The following SORCS2 variants were observed in gnomAD, a reference collection of about 807,000 sequenced individuals.
SORCS2 encodes the protein VPS10 domain-containing receptor SorCS2.
Under a neutral mutation model 141.6 loss-of-function variants are expected in SORCS2, and 100 were observed. That is an observed-to-expected ratio of 0.71 (90% CI 0.60 to 0.83). The LOEUF (loss-of-function observed/expected upper bound fraction) is 0.83. Among genes scored for constraint, SORCS2 ranks in the 40% least tolerant of loss-of-function variants. The pLI is 0.00. For missense variants in SORCS2, 1,646 were observed against 1,560.2 expected (o/e 1.05, Z -0.93); for synonymous variants, 789 against 676.9 (o/e 1.17, Z -2.57).
At chr4:7,719,071 C>T (rs1308624874) in intron 18 of SORCS2, among the ~76,000 whole-genome samples, 2 of 152,244 alleles carry the variant, frequency 1.3e-5, no homozygotes, top group Non-Finnish European at 2.9e-5. Context: ...CGCCTAGGAC[C>T]CTGGGCTCTC....
At chr4:7,578,070 G>A (rs1267841327) in intron 3 of SORCS2, among the ~76,000 whole-genome samples, 1 of 152,196 alleles carries the variant, frequency 6.6e-6, no homozygotes, top group African/African-American at 2.4e-5. Context: ...GAGATGTTAG[G>A]CTCATGAGGA....
intron 3 of SORCS2, among the ~76,000 whole-genome samples, chr4:7,617,940 T>C (rs1279125596): frequency 3.3e-5 from 5 of 152,022 alleles, no homozygotes; most frequent in Admixed American, 1.3e-4. Context: ...AGGAGTGGGA[T>C]GCTCGCCCAT....
At chr4:7,692,321 T>A (rs1023714893) in intron 11 of SORCS2, among the ~76,000 whole-genome samples, 2 of 152,190 alleles carry the variant, frequency 1.3e-5, no homozygotes, top group East Asian at 3.9e-4. Context: ...CCGCCGTTCA[T>A]TCCTGAATTC....
At chr4:7,736,085 G>A (rs1293559037) in intron 25 of SORCS2, among the ~76,000 whole-genome samples, 3 of 152,254 alleles carry the variant, frequency 2.0e-5, no homozygotes, top group South Asian at 4.1e-4. Flanking sequence ...AGCAACGCCC[G>A]TTTGTCCCCA....
intron 1 of SORCS2, among the ~76,000 whole-genome samples, chr4:7,229,044 G>A (rs1395199746): frequency 1.3e-5 from 2 of 152,210 alleles, no homozygotes; most frequent in Non-Finnish European, 2.9e-5. Context: ...CTGTGTTGAG[G>A]GGTCCCCGTG....
chr4:7,578,008 C>G (rs547367615), intron 3 of SORCS2, among the ~76,000 whole-genome samples: 205 of 152,248 alleles, frequency 1.3e-3, no homozygotes, highest in Non-Finnish European at 2.2e-3. Context: ...TGCCAAAACT[C>G]GTGTTGAAAT....
intron 1 of SORCS2, among the ~76,000 whole-genome samples, chr4:7,200,521 G>A (rs574210358): frequency 2.2e-4 from 34 of 152,300 alleles, no homozygotes; most frequent in African/African-American, 6.5e-4. Flanking sequence ...CAACCCGGAC[G>A]TTGTTTATGC....
At chr4:7,566,742 A>G (rs1176173415) in intron 3 of SORCS2, among the ~76,000 whole-genome samples, 3 of 152,214 alleles carry the variant, frequency 2.0e-5, no homozygotes, top group Non-Finnish European at 4.4e-5. Flanking sequence ...AGAGCTAGTC[A>G]CATGGCCTGG....
Position 7,648,226 on chromosome 4 carries a change from C to T in SORCS2, c.814-5908C>T, listed in dbSNP as rs1721207909. On this transcript the variant is annotated intron_variant, in intron 4 of 26. Transcript: ENST00000507866. The surrounding 1 kb of genome is among the most constrained non-coding windows in gnomAD (Gnocchi z 4.2). ...GAGGAGGAGGAGGAAGACACGGAGG[C>T]TGGAGGAGCAGGGCTGGTTGAGAAA... is the stretch of plus-strand genomic sequence containing the variant. 6.6e-6 allele frequency among the ~76,000 whole-genome samples: 1 copy of T among 151,796 alleles called. No individual in the cohort carries two copies. The highest frequency in any genetic ancestry group is 2.4e-5 in the African/African-American group (1 of 41,310).
chr4:7,440,394 C>G (rs999814871), intron 2 of SORCS2, among the ~76,000 whole-genome samples: 2 of 152,200 alleles, frequency 1.3e-5, no homozygotes, highest in Admixed American at 1.3e-4. Context: ...AGGGAGAGCA[C>G]GAATAGGAAC....
At chr4:7,421,099 C>T (rs1726013848) in intron 2 of SORCS2, among the ~76,000 whole-genome samples, 1 of 152,172 alleles carries the variant, frequency 6.6e-6, no homozygotes, top group African/African-American at 2.4e-5. Flanking sequence ...TGTTTCGCTC[C>T]ATCCCTTGCC....
intron 2 of SORCS2, among the ~76,000 whole-genome samples, chr4:7,463,927 CT>C (rs1729462648): frequency 6.6e-6 from 1 of 152,204 alleles, no homozygotes; most frequent in African/African-American, 2.4e-5. Context: ...ACAGGCACCC[CT>C]GAGTCCCCAC....
At chr4:7,360,773 C>T (rs910433595) in intron 1 of SORCS2, among the ~76,000 whole-genome samples, 4 of 151,190 alleles carry the variant, frequency 2.6e-5, no homozygotes, top group African/African-American at 7.3e-5. Flanking sequence ...TTTATAGAGA[C>T]GGGGTTTCAC....
chr4:7,575,986 G>A (rs1372574074), intron 3 of SORCS2, among the ~76,000 whole-genome samples: 1 of 152,206 alleles, frequency 6.6e-6, no homozygotes, highest in Non-Finnish European at 1.5e-5. Flanking sequence ...GTTGATTCTT[G>A]AATTGATGAA....
chr4:7,289,732 G>A (rs542755664), intron 1 of SORCS2, among the ~76,000 whole-genome samples: 90 of 152,324 alleles, frequency 5.9e-4, no homozygotes, highest in African/African-American at 2.1e-3. Context: ...TATCAGCAGC[G>A]CTTCGAGGAT....
intron 2 of SORCS2, among the ~76,000 whole-genome samples, chr4:7,408,622 T>A (rs150237374): frequency 0.035 from 5,339 of 152,272 alleles, 149 homozygotes; most frequent in Admixed American, 0.047. Context: ...CTGACCTTCC[T>A]GTACCTGGAT....
At chr4:7,610,660 T>C (rs1474991171) in intron 3 of SORCS2, among the ~76,000 whole-genome samples, 1 of 152,142 alleles carries the variant, frequency 6.6e-6, no homozygotes, top group Non-Finnish European at 1.5e-5. Context: ...GTGCTCGGTT[T>C]TTCTAGGCAG....
At chr4:7,311,885 T>C (rs1718206683) in intron 1 of SORCS2, among the ~76,000 whole-genome samples, 1 of 152,206 alleles carries the variant, frequency 6.6e-6, no homozygotes, top group African/African-American at 2.4e-5. Flanking sequence ...ATTTTTATTA[T>C]TTTTATTTTG....
At chr4:7,360,387 G>T (rs1322480887) in intron 1 of SORCS2, among the ~76,000 whole-genome samples, 1 of 151,894 alleles carries the variant, frequency 6.6e-6, no homozygotes, top group African/African-American at 2.4e-5. Context: ...CCTTCTGGGA[G>T]GTCCTTTGCC....
Sources: allele counts gnomAD v4.1 joint callset (sites outside exome capture counted in the v4.1 genomes callset), GRCh38; gene constraint gnomAD v4.1.1; non-coding constraint Gnocchi (gnomAD v3.1); transcripts MANE v1.5; gene names NCBI Gene and HGNC (gene_info 2026-07-23, HGNC 2026-07-21).